XIRP2: variants seen among roughly 807,000 people sequenced by gnomAD.
XIRP2 encodes xin actin-binding repeat-containing protein 2.
XIRP2 carries 236 observed loss-of-function variants against 277.0 expected under a neutral mutation model. The ratio of observed to expected loss-of-function variants is 0.85; its 90% CI spans 0.77 to 0.95. XIRP2 has a LOEUF of 0.95. Among genes scored for constraint, XIRP2 ranks in the 40% least tolerant of loss-of-function variants. The pLI is 0.00. For synonymous variants in XIRP2, 1,490 were observed against 1,416.5 expected, an observed-to-expected ratio of 1.05 and a Z score of -1.17; for missense variants, 4,640 against 4,157.5, an observed-to-expected ratio of 1.12 and a Z score of -3.19.
chr2:167,034,338 G>T, intron 2 of XIRP2, among the ~76,000 whole-genome samples: 1 of 151,866 alleles, frequency 6.6e-6, no homozygotes, highest in African/African-American at 2.4e-5. Context: ...CATACCACCA[G>T]AAAAAATTAC....
intron 3 of XIRP2, among the ~76,000 whole-genome samples, chr2:167,191,470 C>T (rs896736804): frequency 3.3e-5 from 5 of 151,996 alleles, no homozygotes; most frequent in South Asian, 2.1e-4. Flanking sequence ...CCCATGACTC[C>T]GGATACATTT....
At chr2:166,987,933 T>A (rs1687050573) in intron 2 of XIRP2, among the ~76,000 whole-genome samples, 1 of 152,208 alleles carries the variant, frequency 6.6e-6, no homozygotes, top group Non-Finnish European at 1.5e-5. Context: ...CATGCATTCT[T>A]CCATAAAGTA....
intron 2 of XIRP2, among the ~76,000 whole-genome samples, chr2:167,036,582 G>A (rs1250086025): frequency 2.0e-5 from 3 of 152,288 alleles, no homozygotes; most frequent in South Asian, 4.1e-4. Flanking sequence ...CTCATAGGCA[G>A]AAGGGACTTG....
Position 167,247,463 on chromosome 2 carries a change from G to A in XIRP2, c.6071G>A (p.Gly2024Asp), listed in dbSNP as rs1484326369. The part of the protein sequence containing the change: ...TEVNLPKAPK[G>D]TVKIVIDREQ... Reference sequence around the variant, plus strand: ...GTTAATCTTCCAAAAGCCCCCAAAGGCACTGTAAAGATTGTCATAGATCGT... The same window carrying A: ...GTTAATCTTCCAAAAGCCCCCAAAGACACTGTAAAGATTGTCATAGATCGT... Residue 2024 changes from glycine to aspartate, a missense_variant, in exon 9 of 11, where the codon GGC (glycine) becomes GAC (aspartate). Gly to Asp is a moderately conservative substitution (Grantham distance 94). Transcript: ENST00000409195. 32 of 1,613,646 alleles carry A rather than the reference G, an allele frequency of 2.0e-5. No individual in the cohort carries two copies. The highest frequency in any genetic ancestry group is 4.4e-5 in the South Asian group (4 of 91,072).
intron 3 of XIRP2, among the ~76,000 whole-genome samples, chr2:167,146,519 G>GAAAT (rs1001060890): frequency 6.6e-6 from 1 of 150,578 alleles, no homozygotes; most frequent in Non-Finnish European, 1.5e-5. Flanking sequence ...AAGAAAGAAA[G>GAAAT]AAAGAAAGAA....
chr2:167,187,395 C>T (rs774105394), intron 3 of XIRP2: 130 of 985,198 alleles, frequency 1.3e-4, no homozygotes, highest in Non-Finnish European at 1.6e-4. Flanking sequence ...GTGGAGCGGG[C>T]CTCCACTGCA....
intron 2 of XIRP2, 127 bp from the exon 3 acceptor site, chr2:167,135,782 A>G (rs987665404): frequency 1.2e-6 from 1 of 856,814 alleles, no homozygotes; most frequent in African/African-American, 1.7e-5. Context: ...TACCTGAAGC[A>G]TATTGAAAAC....
At chr2:167,218,120 T>C in intron 4 of XIRP2, 46 bp from the exon 5 acceptor site, 1 of 1,439,266 alleles carries the variant, frequency 6.9e-7, no homozygotes, top group Non-Finnish European at 9.2e-7. Flanking sequence ...AATCCCATCC[T>C]GCACAGCTGT....
intron 2 of XIRP2, among the ~76,000 whole-genome samples, chr2:166,938,842 T>C (rs943686604): frequency 6.6e-6 from 1 of 152,236 alleles, no homozygotes; most frequent in African/African-American, 2.4e-5. Context: ...TTTACCATTA[T>C]GTAATGGCCT....
intron 3 of XIRP2, among the ~76,000 whole-genome samples, chr2:167,191,316 C>T (rs777696149): frequency 2.0e-5 from 3 of 152,034 alleles, no homozygotes; most frequent in Non-Finnish European, 2.9e-5. Context: ...AGCTGAGGCA[C>T]GGGAAGACTA....
intron 3 of XIRP2, among the ~76,000 whole-genome samples, chr2:167,177,892 A>G (rs1692894024): frequency 6.6e-6 from 1 of 152,112 alleles, no homozygotes; most frequent in Non-Finnish European, 1.5e-5. Flanking sequence ...GTTTTTTCTA[A>G]TAGAAGAATT....
chr2:167,062,972 A>T (rs768196797), intron 2 of XIRP2, among the ~76,000 whole-genome samples: 1 of 151,098 alleles, frequency 6.6e-6, no homozygotes. Flanking sequence ...GCATTTGTTA[A>T]TTTTTCTTAT....
chr2:167,175,506 G>C (rs1692814586), intron 3 of XIRP2, among the ~76,000 whole-genome samples: 1 of 152,056 alleles, frequency 6.6e-6, no homozygotes, highest in Non-Finnish European at 1.5e-5. Context: ...CCTTCCTCTG[G>C]AAGCTTCATC....
At chr2:167,218,388 A>C in intron 5 of XIRP2, 88 bp downstream of exon 5, 3 of 1,230,032 alleles carry the variant, frequency 2.4e-6, no homozygotes, top group Non-Finnish European at 3.2e-6. Context: ...TTCTTTAGTG[A>C]TACATTTATT....
intron 2 of XIRP2, among the ~76,000 whole-genome samples, chr2:167,015,730 GA>G (rs748375867): frequency 2.0e-5 from 3 of 151,716 alleles, no homozygotes; most frequent in Admixed American, 6.6e-5. Context: ...AGGGTACAGG[GA>G]AGGTTAAGTA....
intron 3 of XIRP2, among the ~76,000 whole-genome samples, chr2:167,145,447 T>C (rs74754604): frequency 0.1 from 15,508 of 152,188 alleles, 845 homozygotes; most frequent in South Asian, 0.15. Context: ...AAAGAATATA[T>C]AGTAGGAGCC....
At chr2:167,068,582 A>T (rs930435507) in intron 2 of XIRP2, among the ~76,000 whole-genome samples, 1 of 151,802 alleles carries the variant, frequency 6.6e-6, no homozygotes, top group Non-Finnish European at 1.5e-5. Flanking sequence ...TAGGCCACAT[A>T]GTCCCTTTCT....
chr2:167,090,028 C>T (rs1690094733), intron 2 of XIRP2, among the ~76,000 whole-genome samples: 1 of 152,038 alleles, frequency 6.6e-6, no homozygotes, highest in South Asian at 2.1e-4. Flanking sequence ...TTTAACTTAT[C>T]TTGTATTCTA....
intron 4 of XIRP2, 42 bp downstream of exon 4, chr2:167,210,937 C>T (rs78303843): frequency 0.039 from 63,394 of 1,606,070 alleles, 1,521 homozygotes; most frequent in Non-Finnish European, 0.045. Flanking sequence ...AATGTGCTTA[C>T]TGTCTGTCCC....
Sources: gnomAD v4.1 joint callset for allele counts (sites outside exome capture counted in the v4.1 genomes callset) on GRCh38, gnomAD v4.1.1 for gene constraint, MANE v1.5 for transcripts, NCBI Gene and HGNC (gene_info 2026-07-23, HGNC 2026-07-21) for gene names.